Variants in COL12A1 observed in about 807,000 individuals in gnomAD.
COL12A1 encodes the protein collagen alpha-1(XII) chain.
A neutral mutation model predicts 349.7 loss-of-function variants in COL12A1; 114 were observed. The observed-to-expected ratio is 0.33, with a 90% CI of 0.28 to 0.38. COL12A1 has a LOEUF of 0.38. COL12A1 is among the 10% of genes least tolerant of loss of function. The pLI is 1.00. For synonymous variants in COL12A1, 1,369 were observed against 1,329.0 expected (o/e 1.03, Z -0.66); for missense variants, 3,284 against 3,756.9 (o/e 0.87, Z 3.29).
chr6:75,119,229 A>C (rs1425839614), intron 45 of COL12A1, 43 bp from the exon 46 acceptor site: 31 of 1,613,320 alleles, frequency 1.9e-5, no homozygotes, highest in Non-Finnish European at 2.6e-5. Context: ...ACTTCAGTGA[A>C]AACTACCCAA....
chr6:75,143,449 C>T, intron 25 of COL12A1, 61 bp from the exon 26 acceptor site: 1 of 1,561,024 alleles, frequency 6.4e-7, no homozygotes. Flanking sequence ...TCCAAAGCAT[C>T]CATGCAAGCT....
chr6:75,130,950 T>C lies in COL12A1; in HGVS notation c.5969A>G (p.His1990Arg), dbSNP rs1766272448. 2 of 1,614,146 alleles carry C rather than the reference T, an allele frequency of 1.2e-6. No individual in the cohort carries two copies. The highest frequency in any genetic ancestry group is 1.1e-5 in the South Asian group (1 of 91,078). Reference sequence around the variant, plus strand: ...TGTGTCCGGAATCAGCCGCTCCAGATGCACCATGCGCGTGTTTCCTGGCAC... The same window carrying C: ...TGTGTCCGGAATCAGCCGCTCCAGACGCACCATGCGCGTGTTTCCTGGCAC... ...IVVPGNTRMV[H>R]LERLIPDTLY... The change falls in exon 36 of 66, where the codon CAT becomes CGT. Residue 1990 changes from histidine (H) to arginine (R), a missense_variant. By Grantham distance (29) the His-to-Arg change is conservative (BLOSUM62 0). Coordinates refer to ENST00000322507, the MANE Select transcript of COL12A1 (RefSeq NM_004370.6).
At chr6:75,120,797 T>C (rs1769319172) in intron 44 of COL12A1, among the ~76,000 whole-genome samples, 1 of 152,186 alleles carries the variant, frequency 6.6e-6, no homozygotes, top group Non-Finnish European at 1.5e-5. Context: ...AGCAAGATAA[T>C]TGGTAGTTAT....
chr6:75,198,951 T>C (rs902666421), intron 2 of COL12A1, among the ~76,000 whole-genome samples: 1 of 152,230 alleles, frequency 6.6e-6, no homozygotes, highest in African/African-American at 2.4e-5. Flanking sequence ...CTATATTCTA[T>C]AGGCATTAAT....
chr6:75,097,155 C>A, intron 59 of COL12A1, 98 bp downstream of exon 59: 1 of 940,888 alleles, frequency 1.1e-6, no homozygotes, highest in Non-Finnish European at 1.7e-6. Context: ...ATATACTCCA[C>A]AGCACAGATG....
intron 51 of COL12A1, among the ~76,000 whole-genome samples, chr6:75,109,979 C>T (rs939191300): frequency 1.3e-5 from 2 of 151,994 alleles, no homozygotes; most frequent in African/African-American, 2.4e-5. Flanking sequence ...CCCTTAAATG[C>T]TCTCAGTCAG....
In COL12A1 at chr6:75,183,669, AG is replaced by A. The variant is rs1233473991; in HGVS notation, c.1289-18del. 1 of 1,579,094 alleles carries A rather than the reference AG, an allele frequency of 6.3e-7. No homozygotes were observed. Among genetic ancestry groups the A allele is most frequent in the Non-Finnish European group, 8.6e-7 (1 of 1,168,730 alleles). ...GTGAGCATTCTGTAAAGAGAAAAAAAGTACATTAAACTTCAATACATATTAA... is the reference window on the plus strand; with the variant it reads ...GTGAGCATTCTGTAAAGAGAAAAAAATACATTAAACTTCAATACATATTAA... On this transcript the variant is annotated intron_variant, in intron 9 of 65. Transcript: ENST00000322507.
At chr6:75,134,928 T>G in intron 31 of COL12A1, 73 bp from the exon 32 acceptor site, 2 of 1,495,636 alleles carry the variant, frequency 1.3e-6, no homozygotes, top group Non-Finnish European at 9.0e-7. Flanking sequence ...AAAAAGCTCT[T>G]TCTACAGGGA....
In COL12A1 at chr6:75,151,934, T is replaced by C; in HGVS notation, c.3933A>G (p.Lys1311=). 1 of 1,613,916 alleles carries C rather than the reference T, an allele frequency of 6.2e-7. No homozygotes were observed. The highest frequency in any genetic ancestry group is 8.5e-7 in the Non-Finnish European group (1 of 1,179,846). ...AAGGTGCTTCAACATCGTCTTGTGA[T>C]TTTCCATCAGTAATGAGCACACCAA... ...RKIGVLITDG[K]SQDDVEAPSK... The change falls in exon 20 of 66, where the codon AAA becomes AAG. Residue 1311 remains lysine, a synonymous_variant. Transcript: ENST00000322507.
intron 5 of COL12A1, among the ~76,000 whole-genome samples, chr6:75,190,834 T>C (rs1582211459): frequency 6.6e-6 from 1 of 151,982 alleles, no homozygotes; most frequent in South Asian, 2.1e-4. Flanking sequence ...AATTTAAGCC[T>C]ATTAAAAAGT....
At chr6:75,147,475 G>C (rs549966650) in intron 23 of COL12A1, among the ~76,000 whole-genome samples, 200 bp downstream of exon 23, 16 of 152,160 alleles carry the variant, frequency 1.1e-4, no homozygotes, top group Non-Finnish European at 1.8e-4. Context: ...CCACAGTGGA[G>C]CTCCATGATG....
At position 75,183,528 on chromosome 6, in the gene COL12A1, T is replaced by C; in HGVS notation, c.1413A>G (p.Glu471=). The C allele has an allele frequency of 6.2e-7, 1 of 1,614,148 alleles. No homozygotes were observed. Among genetic ancestry groups the C allele is most frequent in the Non-Finnish European group, 8.5e-7 (1 of 1,180,022 alleles). The change falls in exon 10 of 66, where the codon GAA becomes GAG. Residue 471 remains glutamate (E), a synonymous_variant. Coordinates refer to ENST00000322507, the MANE Select transcript of COL12A1 (RefSeq NM_004370.6). ...TAATCTGGACCCTATTTGGTGAAATTTCAAAACTTTTTACAAGAACTTCCA... is the reference window on the plus strand; with the variant it reads ...TAATCTGGACCCTATTTGGTGAAATCTCAAAACTTTTTACAAGAACTTCCA... ...AFLEVLVKSF[E]ISPNRVQISL...
At chr6:75,203,847 G>A (rs1323396273) in intron 1 of COL12A1, among the ~76,000 whole-genome samples, 2 of 152,176 alleles carry the variant, frequency 1.3e-5, no homozygotes, top group African/African-American at 4.8e-5. Flanking sequence ...TGACTCTGAA[G>A]TACATAATTT....
chr6:75,087,593 G>A lies in COL12A1; in HGVS notation c.9165C>T (p.Asn3055=), dbSNP rs369646700. 1.8e-4 allele frequency: 284 copies of A among 1,613,776 alleles called. 6 individuals are homozygous for A. Among genetic ancestry groups the A allele is most frequent in the South Asian group, 1.4e-3 (126 of 91,062 alleles). ...DSSQCASIPY[N]GQGYPGSG ...ACAACGTACCTGGATAGCCTTGCCCGTTGTATGGGATGCTGGCACACTGAG... is the reference window on the plus strand; with the variant it reads ...ACAACGTACCTGGATAGCCTTGCCCATTGTATGGGATGCTGGCACACTGAG... The change falls in exon 65 of 66, where the codon AAC becomes AAT. Residue 3055 remains asparagine, a synonymous_variant. Coordinates refer to ENST00000322507, the MANE Select transcript of COL12A1 (RefSeq NM_004370.6).
intron 50 of COL12A1, 72 bp from the exon 51 acceptor site, chr6:75,113,385 T>A (rs1378421722): frequency 3.7e-6 from 4 of 1,084,524 alleles, no homozygotes; most frequent in Non-Finnish European, 5.1e-6. Flanking sequence ...TAGCAAATAA[T>A]TCTTGTTGGA....
chr6:75,151,637 A>G, intron 20 of COL12A1, among the ~76,000 whole-genome samples: 1 of 152,160 alleles, frequency 6.6e-6, no homozygotes, highest in South Asian at 2.1e-4. Context: ...TCCTATTAAT[A>G]CCACATTTTT....
chr6:75,089,810 A>G (rs941498487), intron 63 of COL12A1, among the ~76,000 whole-genome samples: 1 of 152,238 alleles, frequency 6.6e-6, no homozygotes, highest in Non-Finnish European at 1.5e-5. Context: ...TGCCGCAGTC[A>G]CAGAGAGTAA....
intron 46 of COL12A1, chr6:75,117,813 A>G (rs751563978): frequency 6.0e-6 from 2 of 336,018 alleles, no homozygotes; most frequent in Non-Finnish European, 1.1e-5. Context: ...GAAAGACTTC[A>G]TGTGGTGCAC....
In COL12A1 at chr6:75,124,375, CA is replaced by C; in HGVS notation, c.6608-5del. On this transcript the variant is annotated splice_polypyrimidine_tract_variant and splice_region_variant and intron_variant, in intron 40 of 65. Transcript: ENST00000322507. ...AGATCTGTTACATTTAAATATACTA[CA>C]AAATAAAGAAAGAAAGAGATTTACT... 1.3e-6 allele frequency: 2 copies of C among 1,570,622 alleles called. No individual in the cohort carries two copies. Among genetic ancestry groups the C allele is most frequent in the Non-Finnish European group, 1.7e-6 (2 of 1,148,406 alleles).
Sources: allele counts gnomAD v4.1 joint callset (sites outside exome capture counted in the v4.1 genomes callset), GRCh38; gene constraint gnomAD v4.1.1; transcripts MANE v1.5; gene names NCBI Gene and HGNC (gene_info 2026-07-23, HGNC 2026-07-21).